Variants in PLPP4 observed in about 807,000 individuals in gnomAD.
The protein encoded by PLPP4 is phospholipid phosphatase 4.
In PLPP4, 20 loss-of-function variants were observed where a neutral mutation model predicts 32.2. That is an observed-to-expected ratio of 0.62 (90% CI 0.44 to 0.90). The LOEUF is 0.90. Among genes scored for constraint, PLPP4 ranks in the 40% least tolerant of loss-of-function variants. The probability of loss-of-function intolerance (pLI) is 0.00; values close to 1 mark genes in which losing one functional copy is unlikely to be tolerated. For missense variants in PLPP4, 257 were observed against 353.1 expected, an observed-to-expected ratio of 0.73 and a Z score of 2.18; for synonymous variants, 127 against 133.0, an observed-to-expected ratio of 0.95 and a Z score of 0.31.
intron 1 of PLPP4, among the ~76,000 whole-genome samples, chr10:120,491,051 A>T (rs1222218133): frequency 1.3e-5 from 2 of 152,080 alleles, no homozygotes; most frequent in Non-Finnish European, 2.9e-5. Flanking sequence ...GGGTATACAG[A>T]CTGTCCCAGA....
chr10:120,533,483 T>C (rs1009593531), intron 5 of PLPP4, among the ~76,000 whole-genome samples: 1 of 152,182 alleles, frequency 6.6e-6, no homozygotes, highest in Non-Finnish European at 1.5e-5. Flanking sequence ...TTTACTCTCA[T>C]GATAGTATTG....
At chr10:120,465,971 T>C (rs1294883637) in intron 1 of PLPP4, among the ~76,000 whole-genome samples, 2 of 152,206 alleles carry the variant, frequency 1.3e-5, no homozygotes, top group Non-Finnish European at 2.9e-5. Context: ...TTATCATTTT[T>C]GGCTATTAAG....
At chr10:120,496,767 C>A (rs554362632) in intron 1 of PLPP4, among the ~76,000 whole-genome samples, 1 of 152,122 alleles carries the variant, frequency 6.6e-6, no homozygotes, top group South Asian at 2.1e-4. Flanking sequence ...TCTGTCCCCT[C>A]CTGTGTCCTT....
intron 5 of PLPP4, among the ~76,000 whole-genome samples, chr10:120,571,457 G>T (rs1188085561): frequency 6.6e-6 from 1 of 152,092 alleles, no homozygotes; most frequent in Non-Finnish European, 1.5e-5. Flanking sequence ...TTCCATGCTA[G>T]CACCCTCCCC....
At chr10:120,499,317 G>C (rs745680958) in intron 1 of PLPP4, among the ~76,000 whole-genome samples, 1 of 151,448 alleles carries the variant, frequency 6.6e-6, no homozygotes, top group Non-Finnish European at 1.5e-5. Flanking sequence ...TGACACAAGT[G>C]GTGCTTGAGA....
At chr10:120,462,050 AGGTTT>A (rs1220292464) in intron 1 of PLPP4, among the ~76,000 whole-genome samples, 1 of 152,218 alleles carries the variant, frequency 6.6e-6, no homozygotes, top group African/African-American at 2.4e-5. Flanking sequence ...GCAAGGTGCT[AGGTTT>A]CACTGAGAAG....
intron 2 of PLPP4, among the ~76,000 whole-genome samples, chr10:120,504,849 C>T (rs1160244948): frequency 1.3e-5 from 2 of 152,310 alleles, no homozygotes; most frequent in African/African-American, 4.8e-5. Flanking sequence ...TTTAGCTGGT[C>T]AGTTTTTGGC....
chr10:120,533,583 A>G (rs1311027095), intron 5 of PLPP4, among the ~76,000 whole-genome samples: 6 of 152,148 alleles, frequency 3.9e-5, no homozygotes. Context: ...TATCTAAGAA[A>G]CAATTTCCTA....
intron 5 of PLPP4, among the ~76,000 whole-genome samples, chr10:120,528,975 G>GTT (rs35818441): frequency 6.8e-6 from 1 of 147,698 alleles, no homozygotes; most frequent in African/African-American, 2.5e-5. Context: ...AGCCCCTCAT[G>GTT]TTTTTTTTTT....
intron 1 of PLPP4, among the ~76,000 whole-genome samples, chr10:120,502,837 C>A (rs1327611250): frequency 6.6e-6 from 1 of 152,142 alleles, no homozygotes; most frequent in Non-Finnish European, 1.5e-5. Flanking sequence ...AGACAGCTGG[C>A]CACCTTAGAG....
At chr10:120,516,280 C>T (rs1021119473) in intron 3 of PLPP4, among the ~76,000 whole-genome samples, 3 of 152,184 alleles carry the variant, frequency 2.0e-5, no homozygotes, top group Non-Finnish European at 4.4e-5. Flanking sequence ...TCTTAGCATG[C>T]TTCTTTACTC....
intron 5 of PLPP4, among the ~76,000 whole-genome samples, chr10:120,531,259 C>T (rs773719781): frequency 2.6e-4 from 40 of 151,988 alleles, no homozygotes; most frequent in Non-Finnish European, 5.6e-4. Flanking sequence ...GCACGTGCCA[C>T]CACGCCCAGC....
Position 120,584,580 on chromosome 10 carries a change from G to A in PLPP4, c.617-4723G>A, listed in dbSNP as rs545688819. Among the ~76,000 whole-genome samples the A allele has an allele frequency of 3.4e-4, 52 of 152,352 alleles. No homozygotes were observed. The South Asian group carries it at 5.0e-3, about 15-fold the overall frequency. ...ATTTATTTCCCTTTTGAGACTTCTAGTTGATTTGGGGCAAAGTTAATCCCA... is the reference window on the plus strand; with the variant it reads ...ATTTATTTCCCTTTTGAGACTTCTAATTGATTTGGGGCAAAGTTAATCCCA... On this transcript the variant is annotated intron_variant, in intron 6 of 6. Coordinates refer to ENST00000398250, the MANE Select transcript of PLPP4 (RefSeq NM_001030059.3).
chr10:120,498,654 C>CTTTTTTTTTTTTTT (rs11287636), intron 1 of PLPP4, among the ~76,000 whole-genome samples: 1 of 143,412 alleles, frequency 7.0e-6, no homozygotes, highest in Non-Finnish European at 1.5e-5. Context: ...CTCTTCTATT[C>CTTTTTTTTTTTTTT]TTTTTTTTTT....
chr10:120,558,946 C>A (rs1315676766), intron 5 of PLPP4, among the ~76,000 whole-genome samples: 1 of 152,132 alleles, frequency 6.6e-6, no homozygotes, highest in Non-Finnish European at 1.5e-5. Flanking sequence ...TAACTAATGA[C>A]AAACTGTTTT....
chr10:120,500,363 T>C (rs1214469629), intron 1 of PLPP4, among the ~76,000 whole-genome samples: 1 of 152,096 alleles, frequency 6.6e-6, no homozygotes, highest in Non-Finnish European at 1.5e-5. Flanking sequence ...CATCACAGTG[T>C]CAATCGCACC....
chr10:120,493,471 T>G (rs1449507824), intron 1 of PLPP4, among the ~76,000 whole-genome samples: 2 of 152,192 alleles, frequency 1.3e-5, no homozygotes. Context: ...GTCATTTTTC[T>G]AAAAGCTGAA....
rs144301072 is a variant in PLPP4 at position 120,587,020 on chromosome 10, G to A, written c.617-2283G>A. Among the ~76,000 whole-genome samples the A allele has an allele frequency of 3.1e-3, 476 of 152,120 alleles. 2 individuals carry two copies. The highest frequency in any genetic ancestry group is 0.01 in the African/African-American group (424 of 41,484). ...CTGAAATATGACTAGAAATGATATC[G>A]AGCCCTGAAATATTAATAGAAATTG... On this transcript the variant is annotated intron_variant, in intron 6 of 6. Coordinates refer to ENST00000398250, the MANE Select transcript of PLPP4 (RefSeq NM_001030059.3).
chr10:120,545,807 G>T (rs776986304), intron 5 of PLPP4, among the ~76,000 whole-genome samples: 1 of 152,206 alleles, frequency 6.6e-6, no homozygotes, highest in African/African-American at 2.4e-5. Flanking sequence ...ATCTGTGAGG[G>T]TGTTGCCCAA....
Sources: gnomAD v4.1 joint callset for allele counts (sites outside exome capture counted in the v4.1 genomes callset) on GRCh38, gnomAD v4.1.1 for gene constraint, MANE v1.5 for transcripts, NCBI Gene and HGNC (gene_info 2026-07-23, HGNC 2026-07-21) for gene names.